Variants in RAD51B observed in about 807,000 individuals in gnomAD.
The protein encoded by RAD51B is RAD51 paralog B.
A neutral mutation model predicts 42.2 loss-of-function variants in RAD51B; 38 were observed. That is an observed-to-expected ratio of 0.90 (90% CI 0.70 to 1.18). The LOEUF (loss-of-function observed/expected upper bound fraction) is 1.18. RAD51B is among the 50% of genes most tolerant of loss of function. The probability of loss-of-function intolerance (pLI) is 0.00; values close to 1 mark genes in which losing one functional copy is unlikely to be tolerated. For missense variants in RAD51B, 373 were observed against 400.7 expected (o/e 0.93, Z 0.59); for synonymous variants, 154 against 145.2 (o/e 1.06, Z -0.43).
chr14:68,371,617 G>T (rs946929026), intron 8 of RAD51B, among the ~76,000 whole-genome samples: 5 of 152,202 alleles, frequency 3.3e-5, no homozygotes, highest in African/African-American at 1.2e-4. Flanking sequence ...GAGGCAGCAG[G>T]ATTGCTTAAG....
intron 10 of RAD51B, among the ~76,000 whole-genome samples, chr14:68,586,154 C>T (rs1418125082): frequency 2.6e-5 from 4 of 152,250 alleles, no homozygotes; most frequent in African/African-American, 9.6e-5. Context: ...GAGGCTGGCA[C>T]GGAGAGGCAG....
chr14:67,985,841 C>T (rs1013399751), intron 7 of RAD51B, among the ~76,000 whole-genome samples: 2 of 151,946 alleles, frequency 1.3e-5, no homozygotes, highest in African/African-American at 2.4e-5. Flanking sequence ...GCTCAGGAGG[C>T]GGAGGTTGTG....
At chr14:67,989,216 A>T (rs2075246934) in intron 7 of RAD51B, among the ~76,000 whole-genome samples, 2 of 152,252 alleles carry the variant, frequency 1.3e-5, no homozygotes, top group African/African-American at 4.8e-5. Context: ...AATTCTTTGA[A>T]TCTATTATTC....
At chr14:68,049,212 T>TG (rs2076352804) in intron 7 of RAD51B, among the ~76,000 whole-genome samples, 1 of 139,430 alleles carries the variant, frequency 7.2e-6, no homozygotes. Context: ...TGTTGTGGGG[T>TG]GGGGGGAGCG....
chr14:67,976,210 G>A (rs1225869053), intron 7 of RAD51B, among the ~76,000 whole-genome samples: 1 of 151,718 alleles, frequency 6.6e-6, no homozygotes, highest in Non-Finnish European at 1.5e-5. Context: ...TGGACCTCCT[G>A]GGCTCAAGCA....
intron 8 of RAD51B, among the ~76,000 whole-genome samples, chr14:68,333,137 G>A (rs1387712849): frequency 2.0e-5 from 3 of 152,194 alleles, no homozygotes; most frequent in Admixed American, 6.5e-5. Context: ...ACTCAGCAGA[G>A]TGGTGTCCCC....
intron 7 of RAD51B, among the ~76,000 whole-genome samples, chr14:67,900,608 G>GTGTGTGTGTGTGTA (rs1351535435): frequency 6.2e-5 from 9 of 146,326 alleles, no homozygotes; most frequent in African/African-American, 2.3e-4. Flanking sequence ...TTGTGTGTGT[G>GTGTGTGTGTGTGTA]TGTGTGTGTG....
intron 7 of RAD51B, among the ~76,000 whole-genome samples, chr14:68,246,682 T>C (rs991182157): frequency 2.0e-5 from 3 of 152,198 alleles, no homozygotes; most frequent in African/African-American, 7.2e-5. Flanking sequence ...CAGGCTGTTT[T>C]TTGCTATACT....
intron 8 of RAD51B, among the ~76,000 whole-genome samples, chr14:68,357,575 C>CT (rs1268259786): frequency 6.6e-6 from 1 of 152,014 alleles, no homozygotes. Context: ...CAGCTATAGC[C>CT]TTACAAATTG....
rs1340782013 is a variant in RAD51B at position 68,172,035 on chromosome 14, G to GA, written c.757-119845dup. ...TTTCTCATTCTTATTTTAGGCTGAT[G>GA]AAAATACTAAATATTTCAACACCTC... On this transcript the variant is annotated intron_variant, in intron 7 of 10. Transcript: ENST00000471583. Among the ~76,000 whole-genome samples the GA allele has an allele frequency of 3.9e-5, 6 of 152,308 alleles. No individual in the cohort carries two copies. In the East Asian group the frequency reaches 1.2e-3, roughly 29 times the overall value.
chr14:67,995,853 G>T (rs1056570374), intron 7 of RAD51B, among the ~76,000 whole-genome samples: 22 of 151,846 alleles, frequency 1.4e-4, no homozygotes, highest in African/African-American at 5.3e-4. Context: ...TCCTGACCTC[G>T]TGATCCGCCC....
intron 11 of RAD51B, among the ~76,000 whole-genome samples, chr14:68,673,605 A>G (rs1309364963): frequency 7.4e-5 from 4 of 54,092 alleles, no homozygotes; most frequent in African/African-American, 4.9e-4. Context: ...ATGTACATGC[A>G]CACACACACG....
chr14:67,979,545 C>T (rs992259607), intron 7 of RAD51B, among the ~76,000 whole-genome samples: 2 of 152,084 alleles, frequency 1.3e-5, no homozygotes, highest in Non-Finnish European at 2.9e-5. Flanking sequence ...TAACATTATG[C>T]CTTTTCCTGT....
intron 10 of RAD51B, chr14:68,562,444 A>G: frequency 1.0e-6 from 1 of 982,666 alleles, no homozygotes; most frequent in African/African-American, 1.7e-5. Flanking sequence ...TGCCTTTGCC[A>G]TGTCAGCTGT....
chr14:68,138,348 T>C (rs997191459), intron 7 of RAD51B, among the ~76,000 whole-genome samples: 3 of 152,172 alleles, frequency 2.0e-5, no homozygotes, highest in African/African-American at 7.2e-5. Flanking sequence ...ACATTGCTTT[T>C]GTGTGTAGTT....
chr14:67,935,042 G>A (rs999732404), intron 7 of RAD51B, among the ~76,000 whole-genome samples: 4 of 152,192 alleles, frequency 2.6e-5, no homozygotes, highest in African/African-American at 9.7e-5. Flanking sequence ...TTATGGTAGG[G>A]TCTGTTTCTA....
chr14:68,621,260 A>G (rs1216669347), intron 10 of RAD51B, among the ~76,000 whole-genome samples: 1 of 152,200 alleles, frequency 6.6e-6, no homozygotes. Flanking sequence ...GAGAACCTCT[A>G]TATTTTTCAT....
At chr14:68,067,412 C>T (rs1212051309) in intron 7 of RAD51B, among the ~76,000 whole-genome samples, 3 of 146,258 alleles carry the variant, frequency 2.1e-5, no homozygotes, top group Non-Finnish European at 3.0e-5. Flanking sequence ...TGCAGTGAGC[C>T]GAGATTGTGC....
chr14:68,436,568 T>C (rs934738157), intron 9 of RAD51B, among the ~76,000 whole-genome samples: 3 of 152,212 alleles, frequency 2.0e-5, no homozygotes, highest in African/African-American at 7.2e-5. Context: ...ATTATGTTGG[T>C]AGTTTGATAG....
Sources: gnomAD v4.1 joint callset for allele counts (sites outside exome capture counted in the v4.1 genomes callset) on GRCh38, gnomAD v4.1.1 for gene constraint, MANE v1.5 for transcripts, NCBI Gene and HGNC (gene_info 2026-07-23, HGNC 2026-07-21) for gene names.